Variants in HCLS1 observed in about 807,000 individuals in gnomAD.
HCLS1 encodes hematopoietic cell-specific Lyn substrate 1.
HCLS1 carries 44 observed loss-of-function variants against 68.6 expected under a neutral mutation model. The ratio of observed to expected loss-of-function variants is 0.64; its 90% CI spans 0.50 to 0.82. The LOEUF is 0.82. Ranked by LOEUF, HCLS1 falls within the 40% of genes least tolerant of loss-of-function variation. HCLS1 has a pLI of 0.00. For missense variants in HCLS1, 602 were observed against 612.1 expected, an observed-to-expected ratio of 0.98 and a Z score of 0.17; for synonymous variants, 217 against 225.8, an observed-to-expected ratio of 0.96 and a Z score of 0.35.
At chr3:121,637,088 A>G in intron 7 of HCLS1, 58 bp downstream of exon 7, 1 of 1,230,374 alleles carries the variant, frequency 8.1e-7, no homozygotes, top group Non-Finnish European at 1.2e-6. Context: ...GCTTCCAGAA[A>G]GGAAGGAAGG....
At chr3:121,633,906 C>T (rs183249857) in intron 10 of HCLS1, among the ~76,000 whole-genome samples, 2 of 152,314 alleles carry the variant, frequency 1.3e-5, no homozygotes, top group African/African-American at 2.4e-5. Flanking sequence ...TGGAACTCAT[C>T]CCTCAAGATG....
chr3:121,652,350 G>A (rs1176318637), intron 3 of HCLS1, among the ~76,000 whole-genome samples: 1 of 152,076 alleles, frequency 6.6e-6, no homozygotes, highest in Admixed American at 6.6e-5. Flanking sequence ...TAATGATTAG[G>A]TATCAATAAA....
chr3:121,631,987 G>A lies in HCLS1; in HGVS notation c.1325-5C>T, dbSNP rs764641872. 13 of 1,614,152 alleles carry A rather than the reference G, an allele frequency of 8.1e-6. 1 individual carries two copies. In the South Asian group the frequency reaches 9.9e-5, roughly 12 times the overall value. ...AGGAAAGCTCATCACTTCCCTCTGG[G>A]GAGAAAGTTGAGGGGATATTAGAAT... On this transcript the variant is annotated splice_region_variant and splice_polypyrimidine_tract_variant and intron_variant, in intron 13 of 13. Transcript: ENST00000314583.
chr3:121,640,248 T>C (rs1560139535), intron 6 of HCLS1, among the ~76,000 whole-genome samples: 1 of 151,850 alleles, frequency 6.6e-6, no homozygotes, highest in East Asian at 1.9e-4. Flanking sequence ...GAAAAAATAA[T>C]AATAAAGGAA....
intron 13 of HCLS1, 56 bp downstream of exon 13, chr3:121,632,045 C>G (rs2049102574): frequency 1.2e-6 from 2 of 1,613,514 alleles, no homozygotes; most frequent in South Asian, 2.2e-5. Flanking sequence ...ACATGTCCCC[C>G]TGTCTTATAT....
intron 6 of HCLS1, among the ~76,000 whole-genome samples, chr3:121,640,240 A>G (rs2049184005): frequency 1.3e-5 from 2 of 152,146 alleles, no homozygotes; most frequent in African/African-American, 4.8e-5. Flanking sequence ...CTCCATGGGA[A>G]AAAATAATAA....
At chr3:121,633,548 A>G (rs1576460275) in intron 10 of HCLS1, among the ~76,000 whole-genome samples, 1 of 151,520 alleles carries the variant, frequency 6.6e-6, no homozygotes, top group East Asian at 1.9e-4. Flanking sequence ...ATTTTATTTT[A>G]TGCATTTTTT....
chr3:121,646,377 CTATGTA>C (rs61720714), intron 4 of HCLS1, among the ~76,000 whole-genome samples: 22,512 of 83,090 alleles, frequency 0.27, 2,295 homozygotes, highest in East Asian at 0.5. Flanking sequence ...CATATTATTA[CTATGTA>C]ATATATTACT....
chr3:121,644,705 G>T, intron 5 of HCLS1, 113 bp downstream of exon 5: 1 of 824,916 alleles, frequency 1.2e-6, no homozygotes, highest in Non-Finnish European at 2.2e-6. Context: ...GGTCCTCACA[G>T]CATCCACTGT....
intron 3 of HCLS1, among the ~76,000 whole-genome samples, chr3:121,650,475 T>C (rs968473414): frequency 3.3e-5 from 5 of 151,770 alleles, no homozygotes; most frequent in East Asian, 1.9e-4. Context: ...GGGTAGAAAA[T>C]AGATCAACAG....
In HCLS1 at chr3:121,633,164, G is replaced by A. The variant is rs1397896615; in HGVS notation, c.911C>T (p.Pro304Leu). 1.9e-6 allele frequency: 3 copies of A among 1,602,370 alleles called. No homozygotes were observed. Among genetic ancestry groups the A allele is most frequent in the Non-Finnish European group, 2.6e-6 (3 of 1,173,828 alleles). The change falls in exon 11 of 14, where the codon CCT (proline) becomes CTT (leucine). Residue 304 changes from proline to leucine, a missense_variant. Transcript: ENST00000314583. Reference sequence around the variant, plus strand: ...TGATGATGGAGGAGTCCCAACTGGAGGCCAGGCCTGTGGAAAATGAAGCAT... The same window carrying A: ...TGATGATGGAGGAGTCCCAACTGGAAGCCAGGCCTGTGGAAAATGAAGCAT... ...LPKKISSEAW[P>L]PVGTPPSSES...
chr3:121,656,563 G>A (rs887475988), intron 3 of HCLS1, among the ~76,000 whole-genome samples: 2 of 146,060 alleles, frequency 1.4e-5, no homozygotes, highest in Non-Finnish European at 3.1e-5. Flanking sequence ...TTCTGGTATC[G>A]GAGGGTTTTG....
rs1370921800 is a variant in HCLS1 at position 121,631,655 on chromosome 3, TAG to T, written c.*189_*190del. 3.3e-6 allele frequency: 2 copies of T among 598,488 alleles called. No individual in the cohort carries two copies. The highest frequency in any genetic ancestry group is 1.9e-5 in the African/African-American group (1 of 53,822). 37.1% of individuals were successfully genotyped at this position (598,488 alleles called of 1,614,324 possible). A position where few individuals can be genotyped will look rare whatever the true frequency, so the allele number is the denominator to read the frequency against. On this transcript the variant is annotated 3_prime_UTR_variant, in exon 14 of 14. Coordinates refer to ENST00000314583, the MANE Select transcript of HCLS1 (RefSeq NM_005335.6). The stretch of plus-strand genomic sequence containing the variant: ...GAAATGTTCATGAGCTCATCCAGGA[TAG>T]AGAGGACTCTTGGGGAAGGGGACCT...
chr3:121,644,959 A>C (rs1263099054), intron 4 of HCLS1, 31 bp from the exon 5 acceptor site: 2 of 1,515,806 alleles, frequency 1.3e-6, no homozygotes. Flanking sequence ...AGTGAGTGAA[A>C]AGATAAAAAT....
At chr3:121,633,035 T>C in intron 11 of HCLS1, 32 bp downstream of exon 11, 1 of 1,430,562 alleles carries the variant, frequency 7.0e-7, no homozygotes, top group Non-Finnish European at 9.8e-7. Flanking sequence ...GAAGATGGGG[T>C]GGGGGCAGAG....
At chr3:121,638,999 C>T (rs1027596175) in intron 6 of HCLS1, among the ~76,000 whole-genome samples, 2 of 145,764 alleles carry the variant, frequency 1.4e-5, no homozygotes, top group African/African-American at 2.5e-5. Context: ...TGAGAAACAT[C>T]GCAAGACTCC....
At chr3:121,649,490 C>T (rs1300469260) in intron 3 of HCLS1, among the ~76,000 whole-genome samples, 1 of 152,192 alleles carries the variant, frequency 6.6e-6, no homozygotes, top group Non-Finnish European at 1.5e-5. Flanking sequence ...TTGCCTTGGC[C>T]TCCCAAAGTG....
chr3:121,654,888 C>T (rs1937827051), intron 3 of HCLS1, among the ~76,000 whole-genome samples: 1 of 152,192 alleles, frequency 6.6e-6, no homozygotes, highest in Admixed American at 6.5e-5. Flanking sequence ...TTAGCCCACA[C>T]TAACGAGAGG....
chr3:121,648,128 G>A (rs1937650828), intron 3 of HCLS1, among the ~76,000 whole-genome samples: 1 of 152,034 alleles, frequency 6.6e-6, no homozygotes, highest in South Asian at 2.1e-4. Context: ...ATGCTTTTTG[G>A]TCATGAATTA....
Sources: allele counts gnomAD v4.1 joint callset (sites outside exome capture counted in the v4.1 genomes callset), GRCh38; gene constraint gnomAD v4.1.1; transcripts MANE v1.5; gene names NCBI Gene and HGNC (gene_info 2026-07-23, HGNC 2026-07-21).